Variants in EVC2 observed in about 807,000 individuals in gnomAD.
The protein encoded by EVC2 is EvC ciliary complex subunit 2.
EVC2 carries 148 observed loss-of-function variants against 149.3 expected under a neutral mutation model. The observed-to-expected ratio is 0.99, with a 90% CI of 0.87 to 1.14. The LOEUF is 1.14. Among genes scored for constraint, EVC2 ranks in the 50% most tolerant of loss-of-function variants. EVC2 has a pLI of 0.00. For synonymous variants in EVC2, 776 were observed against 649.9 expected (o/e 1.19, Z -2.95); for missense variants, 1,854 against 1,627.3 (o/e 1.14, Z -2.40).
chr4:5,546,405 G>T (rs1220161890), intron 21 of EVC2, among the ~76,000 whole-genome samples: 1 of 152,158 alleles, frequency 6.6e-6, no homozygotes, highest in Non-Finnish European at 1.5e-5. Flanking sequence ...ATGAGTTCAT[G>T]TCCTTTGTAG....
In EVC2 at chr4:5,618,705, A is replaced by C. The variant is rs1157144321; in HGVS notation, c.2502-23T>G. The C allele has an allele frequency of 4.5e-6, 7 of 1,565,808 alleles. No homozygotes were observed. Among genetic ancestry groups the C allele is most frequent in the Non-Finnish European group, 5.2e-6 (6 of 1,154,436 alleles). ...TTCCTGGGAGGAAGAACAGAGACAC[A>C]CTCTTAACACAGAGAAAGCCTGGGG... On this transcript the variant is annotated intron_variant, in intron 14 of 21. Coordinates refer to ENST00000344408, the MANE Select transcript of EVC2 (RefSeq NM_147127.5). This position sits in a 1 kb window ranked among gnomAD's most constrained non-coding sequence, Gnocchi z 4.4.
intron 16 of EVC2, among the ~76,000 whole-genome samples, chr4:5,586,791 C>CA (rs1712321277): frequency 6.6e-6 from 1 of 151,840 alleles, no homozygotes; most frequent in African/African-American, 2.4e-5. Context: ...AACCAATGTA[C>CA]ATCTTACATG....
At chr4:5,581,343 C>T (rs552666851) in intron 17 of EVC2, among the ~76,000 whole-genome samples, 1 of 152,292 alleles carries the variant, frequency 6.6e-6, no homozygotes, top group African/African-American at 2.4e-5. Flanking sequence ...TTCCTAGAGA[C>T]TTGTTACATT....
Position 5,688,287 on chromosome 4 carries a change from G to C in EVC2, c.706+870C>G, listed in dbSNP as rs187117597. 7.2e-5 allele frequency among the ~76,000 whole-genome samples: 11 copies of C among 152,260 alleles called. No individual in the cohort carries two copies. The East Asian group carries it at 2.1e-3, about 29-fold the overall frequency. ...ATGACTGATGAGCGATGTGTGCCGT[G>C]AGTACGGAGGCATGGAGTCGGTAAG... On this transcript the variant is annotated intron_variant, in intron 5 of 21. Coordinates refer to ENST00000344408, the MANE Select transcript of EVC2 (RefSeq NM_147127.5).
chr4:5,658,208 C>A (rs1718655438), intron 9 of EVC2, among the ~76,000 whole-genome samples: 1 of 152,086 alleles, frequency 6.6e-6, no homozygotes, highest in African/African-American at 2.4e-5. Flanking sequence ...CAGAAGGAGC[C>A]CTCAGCAAGA....
At chr4:5,703,400 C>T (rs772487210) in intron 1 of EVC2, among the ~76,000 whole-genome samples, 1 of 152,164 alleles carries the variant, frequency 6.6e-6, no homozygotes, top group Admixed American at 6.5e-5. Flanking sequence ...AGAATAGAGA[C>T]TCAGGCACGT....
intron 4 of EVC2, 64 bp downstream of exon 4, chr4:5,691,201 T>A (rs1043936616): frequency 1.4e-6 from 2 of 1,438,764 alleles, no homozygotes; most frequent in African/African-American, 2.8e-5. Flanking sequence ...ATGACTCTAA[T>A]AAAATGATCT....
chr4:5,574,795 G>GT (rs1560131662), intron 18 of EVC2, 23 bp from the exon 19 acceptor site: 5 of 1,609,260 alleles, frequency 3.1e-6, no homozygotes, highest in Middle Eastern at 3.3e-4. Flanking sequence ...TAAAATATAC[G>GT]TAAGTTCAGT....
intron 12 of EVC2, among the ~76,000 whole-genome samples, chr4:5,626,633 C>T (rs149885254): frequency 2.8e-4 from 43 of 152,188 alleles, no homozygotes; most frequent in Non-Finnish European, 4.7e-4. Flanking sequence ...TGCGCCTGGC[C>T]GAAACATTCT....
intron 14 of EVC2, among the ~76,000 whole-genome samples, chr4:5,619,246 T>A (rs1204716935): frequency 6.6e-6 from 1 of 152,218 alleles, no homozygotes; most frequent in Non-Finnish European, 1.5e-5. Context: ...AGTCCTAACC[T>A]GGGACCTGTG....
At chr4:5,626,175 TG>T (rs1221692414) in intron 12 of EVC2, among the ~76,000 whole-genome samples, 1 of 152,158 alleles carries the variant, frequency 6.6e-6, no homozygotes, top group African/African-American at 2.4e-5. Flanking sequence ...AGGACCACTC[TG>T]GTGCAGACAG....
In EVC2 at chr4:5,563,114, TG is replaced by T. The variant is rs753581033; in HGVS notation, c.3660del (p.Ser1220ArgfsTer3). 6.2e-6 allele frequency: 10 copies of T among 1,613,260 alleles called. No homozygotes were observed. In the Admixed American group the frequency reaches 1.0e-4, roughly 16 times the overall value. On this transcript the variant is annotated frameshift_variant and splice_region_variant, in exon 22 of 22. Transcript: ENST00000344408. LOFTEE classifies it low-confidence loss of function (END_TRUNC). Reference sequence around the variant, plus strand: ...AGAGGGAGACATGTCTTCTTTAATATGCTAAAGAAATAGCAAAAGATCAAAT... The same window carrying T: ...AGAGGGAGACATGTCTTCTTTAATATCTAAAGAAATAGCAAAAGATCAAAT... ...KMLWARKRKQ[S>X]ILKKTCLPLR...
chr4:5,565,111 G>A (rs1722191101), intron 21 of EVC2, 147 bp downstream of exon 21: 7 of 752,908 alleles, frequency 9.3e-6, no homozygotes, highest in Non-Finnish European at 1.7e-5. Flanking sequence ...TCAGCCCACT[G>A]AATAAAGATT....
chr4:5,588,527 C>T (rs1477740491), intron 16 of EVC2, among the ~76,000 whole-genome samples: 3 of 152,088 alleles, frequency 2.0e-5, no homozygotes, highest in African/African-American at 7.2e-5. Flanking sequence ...TTCCAATTAC[C>T]CACACATTAG....
intron 7 of EVC2, among the ~76,000 whole-genome samples, chr4:5,669,411 T>G (rs1051332485): frequency 6.6e-6 from 1 of 152,328 alleles, no homozygotes. Context: ...AAAACAAAAT[T>G]AGCTCTGCTG....
chr4:5,654,435 G>A (rs1225693127), intron 9 of EVC2, among the ~76,000 whole-genome samples: 1 of 152,180 alleles, frequency 6.6e-6, no homozygotes. Flanking sequence ...CACTGGAGAC[G>A]CCTCTCCCTT....
intron 16 of EVC2, among the ~76,000 whole-genome samples, chr4:5,591,692 T>C (rs1188000951): frequency 1.3e-5 from 2 of 152,250 alleles, no homozygotes; most frequent in Non-Finnish European, 2.9e-5. Flanking sequence ...TTTTCTTCTT[T>C]GGAAAGCTTA....
Position 5,612,531 on chromosome 4 carries a change from G to A in EVC2, c.2829+2891C>T, listed in dbSNP as rs1028944599. Among the ~76,000 whole-genome samples the A allele has an allele frequency of 2.0e-4, 30 of 152,148 alleles. 1 individual carries two copies. ...CTGCTGCAAGGAGAATTAATTGGAAGGAAGAGGGAACAAACAGGAAAGAGT... is the reference window on the plus strand; with the variant it reads ...CTGCTGCAAGGAGAATTAATTGGAAAGAAGAGGGAACAAACAGGAAAGAGT... On this transcript the variant is annotated intron_variant, in intron 16 of 21. Transcript: ENST00000344408.
intron 21 of EVC2, among the ~76,000 whole-genome samples, chr4:5,564,309 A>G (rs1469827461): frequency 5.3e-5 from 8 of 152,216 alleles, no homozygotes; most frequent in African/African-American, 1.9e-4. Context: ...CTCCACTTCT[A>G]TTAGTGCAGC....
Sources: allele counts gnomAD v4.1 joint callset (sites outside exome capture counted in the v4.1 genomes callset), GRCh38; gene constraint gnomAD v4.1.1; non-coding constraint Gnocchi (gnomAD v3.1); transcripts MANE v1.5; gene names NCBI Gene and HGNC (gene_info 2026-07-23, HGNC 2026-07-21).